The following SLC38A4 variants were observed in gnomAD, a reference collection of about 807,000 sequenced individuals.
The protein encoded by SLC38A4 is sodium-coupled neutral amino acid transporter 4.
Under a neutral mutation model 63.1 loss-of-function variants are expected in SLC38A4, and 20 were observed. The observed-to-expected ratio is 0.32, with a 90% CI of 0.22 to 0.46. SLC38A4 has a LOEUF of 0.46. SLC38A4 is among the 20% of genes least tolerant of loss of function. The pLI, the probability that SLC38A4 is intolerant of heterozygous loss-of-function variation, is 1.00. For synonymous variants in SLC38A4, 230 were observed against 225.5 expected, an observed-to-expected ratio of 1.02 and a Z score of -0.18; for missense variants, 526 against 663.6, an observed-to-expected ratio of 0.79 and a Z score of 2.28.
At chr12:46,821,395 A>T (rs1174648660) in intron 1 of SLC38A4, among the ~76,000 whole-genome samples, 4 of 152,080 alleles carry the variant, frequency 2.6e-5, no homozygotes, top group Non-Finnish European at 5.9e-5. Flanking sequence ...CAGTTTTCCC[A>T]ACACCATTTG....
intron 12 of SLC38A4, 100 bp from the exon 13 acceptor site, chr12:46,777,104 C>A (rs180419): frequency 0.72 from 653,582 of 904,404 alleles, 241,977 homozygotes; most frequent in Middle Eastern, 0.79. Context: ...CTATATTGCT[C>A]ATCATGAAGA....
intron 10 of SLC38A4, among the ~76,000 whole-genome samples, chr12:46,779,004 G>T (rs753384945): frequency 4.6e-5 from 7 of 151,898 alleles, no homozygotes; most frequent in Admixed American, 2.0e-4. Flanking sequence ...TATTTTGCAA[G>T]AATCCTTCCC....
intron 1 of SLC38A4, among the ~76,000 whole-genome samples, chr12:46,806,684 A>AT (rs1252381846): frequency 6.6e-6 from 1 of 152,012 alleles, no homozygotes; most frequent in Non-Finnish European, 1.5e-5. Flanking sequence ...TAAAATCTTC[A>AT]TTTTCCTTAC....
intron 16 of SLC38A4, 142 bp downstream of exon 16, chr12:46,768,168 C>G: frequency 1.8e-6 from 1 of 565,310 alleles, no homozygotes; most frequent in Non-Finnish European, 3.1e-6. Context: ...TCCCCTTTCT[C>G]TGCTACCAGA....
intron 2 of SLC38A4, among the ~76,000 whole-genome samples, chr12:46,796,067 A>G (rs542422477): frequency 6.6e-6 from 1 of 152,150 alleles, no homozygotes; most frequent in Non-Finnish European, 1.5e-5. Flanking sequence ...CATATTGCTA[A>G]GCTTTTCTGT....
intron 1 of SLC38A4, among the ~76,000 whole-genome samples, chr12:46,820,807 G>A (rs985422736): frequency 6.6e-6 from 1 of 152,006 alleles, no homozygotes; most frequent in Non-Finnish European, 1.5e-5. Flanking sequence ...GTGTACAAGT[G>A]TTCCCTTTTC....
At chr12:46,806,194 A>C (rs1285786243) in intron 1 of SLC38A4, among the ~76,000 whole-genome samples, 7 of 151,908 alleles carry the variant, frequency 4.6e-5, no homozygotes, top group Admixed American at 4.6e-4. Flanking sequence ...ATGTTGGATT[A>C]AAATTAAAAG....
chr12:46,811,200 C>T (rs751329734), intron 1 of SLC38A4, among the ~76,000 whole-genome samples: 1 of 151,848 alleles, frequency 6.6e-6, no homozygotes, highest in Non-Finnish European at 1.5e-5. Flanking sequence ...AATAAAAGAC[C>T]CAATCTCTCC....
At chr12:46,787,775 G>A in intron 5 of SLC38A4, 141 bp downstream of exon 5, 1 of 580,312 alleles carries the variant, frequency 1.7e-6, no homozygotes, top group Non-Finnish European at 3.0e-6. Flanking sequence ...TTGGGTTAGG[G>A]ATGGTTGGGT....
intron 1 of SLC38A4, among the ~76,000 whole-genome samples, 173 bp from the exon 2 acceptor site, chr12:46,803,967 G>A (rs1030662389): frequency 6.6e-6 from 1 of 152,000 alleles, no homozygotes; most frequent in South Asian, 2.1e-4. Flanking sequence ...TACTAGGTTG[G>A]TTGACTGATG....
At chr12:46,794,953 AAG>A (rs566269713) in intron 2 of SLC38A4, among the ~76,000 whole-genome samples, 4 of 152,066 alleles carry the variant, frequency 2.6e-5, no homozygotes, top group Admixed American at 2.6e-4. Flanking sequence ...GTTAAAAGCT[AAG>A]AGAGAATAGA....
At chr12:46,810,162 C>G (rs1939311641) in intron 1 of SLC38A4, among the ~76,000 whole-genome samples, 1 of 151,962 alleles carries the variant, frequency 6.6e-6, no homozygotes, top group African/African-American at 2.4e-5. Flanking sequence ...TTAGAGAGAG[C>G]TACCTTACTT....
At chr12:46,831,437 G>C (rs1435474149) in intron 1 of SLC38A4, among the ~76,000 whole-genome samples, 2 of 152,106 alleles carry the variant, frequency 1.3e-5, no homozygotes, top group Non-Finnish European at 2.9e-5. Flanking sequence ...TCTTAGCTCG[G>C]TTGCCGCGAC....
In SLC38A4 at chr12:46,790,183, T is replaced by C. The variant is rs144051578; in HGVS notation, c.120-1565A>G. ...TAACAGAAGCTAATCCTGAAAATAA[T>C]CTGGAGAGGAAAGAGGATGACAGGG... On this transcript the variant is annotated intron_variant, in intron 3 of 16. Transcript: ENST00000266579. Among the ~76,000 whole-genome samples, 112 of 152,282 alleles carry C rather than the reference T, an allele frequency of 7.4e-4. 1 individual carries two copies. The highest frequency in any genetic ancestry group is 2.7e-3 in the African/African-American group (111 of 41,554).
chr12:46,801,166 T>G (rs1205997165), intron 2 of SLC38A4, among the ~76,000 whole-genome samples: 1 of 152,096 alleles, frequency 6.6e-6, no homozygotes, highest in Non-Finnish European at 1.5e-5. Flanking sequence ...ATTTAGAATA[T>G]TATTATATTA....
At chr12:46,775,989 CAT>C (rs1938517219) in intron 13 of SLC38A4, among the ~76,000 whole-genome samples, 1 of 151,878 alleles carries the variant, frequency 6.6e-6, no homozygotes. Flanking sequence ...ATCTAAAGCA[CAT>C]GTTTGGTTAA....
chr12:46,788,173 A>G, intron 4 of SLC38A4, 142 bp from the exon 5 acceptor site: 1 of 616,460 alleles, frequency 1.6e-6, no homozygotes, highest in South Asian at 2.2e-5. Context: ...GCCATTACTC[A>G]ACATCAATAA....
intron 13 of SLC38A4, 144 bp from the exon 14 acceptor site, chr12:46,775,317 C>G: frequency 1.1e-6 from 1 of 937,168 alleles, no homozygotes; most frequent in Non-Finnish European, 1.5e-6. Flanking sequence ...TGCCTCTGAG[C>G]TCATTAGCTA....
At chr12:46,799,816 A>G (rs1349803522) in intron 2 of SLC38A4, among the ~76,000 whole-genome samples, 1 of 152,182 alleles carries the variant, frequency 6.6e-6, no homozygotes, top group African/African-American at 2.4e-5. Context: ...CCTTTAGACT[A>G]TATCATAATT....
Sources: allele counts gnomAD v4.1 joint callset (sites outside exome capture counted in the v4.1 genomes callset), GRCh38; gene constraint gnomAD v4.1.1; transcripts MANE v1.5; gene names NCBI Gene and HGNC (gene_info 2026-07-23, HGNC 2026-07-21).